ITGBL1: variants seen among roughly 807,000 people sequenced by gnomAD.
ITGBL1 encodes the protein integrin subunit beta like 1.
Under a neutral mutation model 68.5 loss-of-function variants are expected in ITGBL1, and 51 were observed. The observed-to-expected ratio is 0.74, with a 90% CI of 0.59 to 0.94. The LOEUF is 0.94. Among genes scored for constraint, ITGBL1 ranks in the 40% least tolerant of loss-of-function variants. The pLI is 0.00. For missense variants in ITGBL1, 649 were observed against 647.4 expected (o/e 1.00, Z -0.03); for synonymous variants, 209 against 227.3 (o/e 0.92, Z 0.72).
intron 7 of ITGBL1, among the ~76,000 whole-genome samples, chr13:101,640,647 CA>C (rs770264870): frequency 2.6e-5 from 4 of 152,068 alleles, no homozygotes; most frequent in Non-Finnish European, 5.9e-5. Flanking sequence ...ATTTTGGATT[CA>C]GGGGGTACAT....
In ITGBL1 at chr13:101,692,696, G is replaced by A. The variant is rs1223483746; in HGVS notation, c.1127G>A (p.Cys376Tyr). 1.2e-6 allele frequency: 2 copies of A among 1,605,374 alleles called. No homozygotes were observed. Among genetic ancestry groups the A allele is most frequent in the Non-Finnish European group, 1.7e-6 (2 of 1,172,176 alleles). Residue 376 changes from cysteine to tyrosine, a missense_variant, in exon 8 of 11, where the codon TGT becomes TAT. Transcript: ENST00000376180. ...RRCEDLDGVV[C>Y]GGHGTCSCGR... The stretch of plus-strand genomic sequence containing the variant: ...TGTGAAGACCTCGATGGTGTGGTCT[G>A]TGGAGGTAGTAACCTTTCTCATAGC...
intron 7 of ITGBL1, among the ~76,000 whole-genome samples, chr13:101,644,463 C>G (rs748695831): frequency 6.6e-6 from 1 of 152,076 alleles, no homozygotes; most frequent in East Asian, 1.9e-4. Flanking sequence ...ACACTGATGT[C>G]GCCTTGGAGA....
chr13:101,651,653 G>T (rs1320508090), intron 7 of ITGBL1, among the ~76,000 whole-genome samples: 1 of 152,086 alleles, frequency 6.6e-6, no homozygotes, highest in Non-Finnish European at 1.5e-5. Context: ...TTCTTTTGCT[G>T]TCCAGATGCT....
chr13:101,481,085 C>CACACATAT (rs71121196), intron 2 of ITGBL1, among the ~76,000 whole-genome samples: 244 of 149,082 alleles, frequency 1.6e-3, no homozygotes, highest in African/African-American at 5.1e-3. Flanking sequence ...TATATACACA[C>CACACATAT]ATATATATAC....
At chr13:101,616,007 T>C (rs1052201143) in intron 7 of ITGBL1, among the ~76,000 whole-genome samples, 1 of 152,184 alleles carries the variant, frequency 6.6e-6, no homozygotes, top group Non-Finnish European at 1.5e-5. Context: ...GCTACTCATC[T>C]ATGGTATATT....
At chr13:101,688,710 G>T (rs1171354811) in intron 7 of ITGBL1, among the ~76,000 whole-genome samples, 1 of 152,144 alleles carries the variant, frequency 6.6e-6, no homozygotes. Context: ...TTTGTCGTGG[G>T]ACATATTTAA....
chr13:101,569,352 A>G (rs560497118), intron 3 of ITGBL1, among the ~76,000 whole-genome samples: 1 of 152,282 alleles, frequency 6.6e-6, no homozygotes, highest in African/African-American at 2.4e-5. Flanking sequence ...TAAACATGTA[A>G]TTCACCACAT....
intron 2 of ITGBL1, among the ~76,000 whole-genome samples, chr13:101,567,290 A>T (rs1403827103): frequency 6.6e-6 from 1 of 152,102 alleles, no homozygotes; most frequent in Non-Finnish European, 1.5e-5. Flanking sequence ...GTAGAGTTTC[A>T]TGTAAGAGTC....
At chr13:101,694,192 A>G (rs2033949285) in intron 8 of ITGBL1, among the ~76,000 whole-genome samples, 1 of 152,188 alleles carries the variant, frequency 6.6e-6, no homozygotes, top group Non-Finnish European at 1.5e-5. Context: ...TGTCAATATT[A>G]TTCTTAGGTT....
intron 2 of ITGBL1, among the ~76,000 whole-genome samples, chr13:101,516,819 G>C (rs980643382): frequency 1.3e-5 from 2 of 151,984 alleles, no homozygotes. Flanking sequence ...AAACTGATTT[G>C]GGTTCCTAAG....
chr13:101,535,991 C>T (rs2139171747), intron 2 of ITGBL1, among the ~76,000 whole-genome samples: 1 of 151,904 alleles, frequency 6.6e-6, no homozygotes, highest in South Asian at 2.1e-4. Context: ...GTGTTTGATC[C>T]TCAATTTATT....
chr13:101,701,664 T>C (rs772423084), intron 8 of ITGBL1, among the ~76,000 whole-genome samples: 6 of 152,182 alleles, frequency 3.9e-5, no homozygotes, highest in Non-Finnish European at 7.3e-5. Context: ...AATATCAACT[T>C]CTAAAAGGGG....
At chr13:101,668,411 A>C (rs1462193099) in intron 7 of ITGBL1, among the ~76,000 whole-genome samples, 3 of 152,154 alleles carry the variant, frequency 2.0e-5, no homozygotes, top group Non-Finnish European at 4.4e-5. Context: ...AATAAAATAA[A>C]ATATATTCAG....
intron 7 of ITGBL1, among the ~76,000 whole-genome samples, chr13:101,653,680 G>A (rs933167084): frequency 6.6e-6 from 1 of 151,414 alleles, no homozygotes; most frequent in Non-Finnish European, 1.5e-5. Context: ...AGATGAATAT[G>A]GGTGGTAGAG....
At chr13:101,628,196 T>C (rs140892334) in intron 7 of ITGBL1, among the ~76,000 whole-genome samples, 1 of 152,314 alleles carries the variant, frequency 6.6e-6, no homozygotes, top group East Asian at 1.9e-4. Flanking sequence ...GATGACAATA[T>C]ATAATATGAA....
intron 2 of ITGBL1, among the ~76,000 whole-genome samples, chr13:101,535,061 T>C (rs1454325598): frequency 6.6e-6 from 1 of 152,100 alleles, no homozygotes; most frequent in Non-Finnish European, 1.5e-5. Flanking sequence ...AGAAGCATCA[T>C]TGCTTTTACT....
chr13:101,625,340 C>T (rs1026892759), intron 7 of ITGBL1, among the ~76,000 whole-genome samples: 3 of 152,292 alleles, frequency 2.0e-5, no homozygotes, highest in Admixed American at 2.0e-4. Context: ...TCATTATATT[C>T]CTGCCAGTTA....
chr13:101,661,963 G>T (rs920114146), intron 7 of ITGBL1, among the ~76,000 whole-genome samples: 1 of 152,164 alleles, frequency 6.6e-6, no homozygotes, highest in African/African-American at 2.4e-5. Context: ...GCAATCGGAT[G>T]TATTTAAGCC....
chr13:101,483,589 G>A (rs1433196271), intron 2 of ITGBL1, among the ~76,000 whole-genome samples: 1 of 152,154 alleles, frequency 6.6e-6, no homozygotes, highest in Non-Finnish European at 1.5e-5. Flanking sequence ...TACCTAGAGG[G>A]CAATTTTAGT....
Sources: allele counts gnomAD v4.1 joint callset (sites outside exome capture counted in the v4.1 genomes callset), GRCh38; gene constraint gnomAD v4.1.1; transcripts MANE v1.5; gene names NCBI Gene and HGNC (gene_info 2026-07-23, HGNC 2026-07-21).